Variants in NAV2 observed in about 807,000 individuals in gnomAD.
The protein encoded by NAV2 is helicase, APC down-regulated 1.
In NAV2, 54 loss-of-function variants were observed where a neutral mutation model predicts 223.2. The ratio of observed to expected loss-of-function variants is 0.24; its 90% CI spans 0.19 to 0.30. The LOEUF is 0.30. Ranked by LOEUF, NAV2 falls within the 10% of genes least tolerant of loss-of-function variation. The pLI is 1.00. For missense variants in NAV2, 2,806 were observed against 3,147.5 expected (o/e 0.89, Z 2.60); for synonymous variants, 1,279 against 1,239.3 (o/e 1.03, Z -0.67).
chr11:19,835,270 G>T (rs1013298583), intron 2 of NAV2, among the ~76,000 whole-genome samples: 29 of 152,132 alleles, frequency 1.9e-4, no homozygotes, highest in African/African-American at 6.5e-4. Context: ...CCACTAAATT[G>T]CTTCCCTAAA....
chr11:20,020,225 T>C (rs949994526), intron 11 of NAV2, among the ~76,000 whole-genome samples: 11 of 152,260 alleles, frequency 7.2e-5, no homozygotes, highest in Admixed American at 3.9e-4. Context: ...AGTTTTCTTC[T>C]ACTCTTTGAT....
At chr11:19,589,145 A>C (rs1051609377) in intron 1 of NAV2, among the ~76,000 whole-genome samples, 5 of 152,242 alleles carry the variant, frequency 3.3e-5, no homozygotes, top group African/African-American at 1.2e-4. Flanking sequence ...GAGACAGAGA[A>C]GTCCTGTATT....
intron 3 of NAV2, 88 bp downstream of exon 3, chr11:19,843,011 C>A: frequency 9.1e-7 from 1 of 1,093,342 alleles, no homozygotes; most frequent in Non-Finnish European, 1.4e-6. Context: ...ACATTCATAC[C>A]AGATGCTTTA....
rs1224000939 is a variant in NAV2 at position 19,535,474 on chromosome 11, C to T, written c.75+184447C>T. Among the ~76,000 whole-genome samples the T allele has an allele frequency of 3.3e-5, 5 of 152,258 alleles. No homozygotes were observed. The East Asian group carries it at 9.6e-4, about 29-fold the overall frequency. ...GATGCAGCCAGCTTTGCATTTCAGG[C>T]CATCCTCATGGTGAGAAGGGGTGGC... On this transcript the variant is annotated intron_variant, in intron 1 of 37. Transcript: ENST00000360655.
At chr11:19,515,462 T>C (rs1205500101) in intron 1 of NAV2, among the ~76,000 whole-genome samples, 2 of 152,226 alleles carry the variant, frequency 1.3e-5, no homozygotes, top group African/African-American at 4.8e-5. Flanking sequence ...TTCCAAATCA[T>C]GAACACAATT....
At chr11:20,116,331 C>G (rs1445287512) in intron 37 of NAV2, among the ~76,000 whole-genome samples, 1 of 152,110 alleles carries the variant, frequency 6.6e-6, no homozygotes, top group Non-Finnish European at 1.5e-5. Flanking sequence ...TGGGATGTAG[C>G]TGTGGTTCTG....
At chr11:20,102,153 G>C (rs1241021556) in intron 32 of NAV2, among the ~76,000 whole-genome samples, 1 of 152,172 alleles carries the variant, frequency 6.6e-6, no homozygotes, top group Admixed American at 6.5e-5. Flanking sequence ...CCTGGGACCA[G>C]TAAGTGAAGG....
chr11:20,068,173 G>A lies in NAV2; in HGVS notation c.4885-13G>A. 6.2e-7 allele frequency: 1 copy of A among 1,613,656 alleles called. No homozygotes were observed. The highest frequency in any genetic ancestry group is 2.2e-5 in the East Asian group (1 of 44,868). ...CCTTAACTGGTCTAATTTCCTTTAT[G>A]TTTTCTTTACAGCCAGAAGAAAAAT... On this transcript the variant is annotated splice_polypyrimidine_tract_variant and intron_variant, in intron 20 of 37. Transcript: ENST00000349880.
chr11:19,369,172 CT>C (rs1327221687), intron 1 of NAV2, among the ~76,000 whole-genome samples: 3 of 152,140 alleles, frequency 2.0e-5, no homozygotes, highest in Non-Finnish European at 4.4e-5. Context: ...AATTATGGTT[CT>C]TTAAAAAGAG....
chr11:19,483,852 G>C (rs1452252076), intron 1 of NAV2, among the ~76,000 whole-genome samples: 1 of 152,122 alleles, frequency 6.6e-6, no homozygotes, highest in Non-Finnish European at 1.5e-5. Context: ...TCTTTCAGAA[G>C]ACAAGACTGG....
At chr11:19,667,305 A>G (rs745962733) in intron 1 of NAV2, among the ~76,000 whole-genome samples, 1 of 152,216 alleles carries the variant, frequency 6.6e-6, no homozygotes, top group Non-Finnish European at 1.5e-5. Context: ...AAAACTCAGT[A>G]AGGCATGGTC....
intron 1 of NAV2, among the ~76,000 whole-genome samples, chr11:19,797,483 C>A (rs544970708): frequency 1.3e-5 from 2 of 152,186 alleles, no homozygotes; most frequent in Non-Finnish European, 2.9e-5. Context: ...TTCCAAGGGT[C>A]AACTTGTAAA....
chr11:20,100,349 G>T (rs190083019), intron 31 of NAV2, among the ~76,000 whole-genome samples: 1 of 152,134 alleles, frequency 6.6e-6, no homozygotes, highest in African/African-American at 2.4e-5. Context: ...TTCACATTCC[G>T]GAATCAAATG....
At chr11:19,609,623 A>C (rs2046578227) in intron 1 of NAV2, among the ~76,000 whole-genome samples, 1 of 152,224 alleles carries the variant, frequency 6.6e-6, no homozygotes, top group Admixed American at 6.5e-5. Context: ...AGTGCCTTGA[A>C]GACAGGAATC....
intron 1 of NAV2, among the ~76,000 whole-genome samples, chr11:19,516,940 T>A (rs2043472183): frequency 6.6e-6 from 1 of 152,088 alleles, no homozygotes; most frequent in Non-Finnish European, 1.5e-5. Context: ...CTGGGCATGG[T>A]GGCTCACACC....
chr11:20,078,155 G>T, intron 24 of NAV2, 51 bp downstream of exon 24: 2 of 1,303,364 alleles, frequency 1.5e-6, no homozygotes, highest in Non-Finnish European at 2.2e-6. Flanking sequence ...GCCCTTAGGA[G>T]CCCTCCCCTG....
At chr11:20,024,315 G>T (rs923002566) in intron 11 of NAV2, among the ~76,000 whole-genome samples, 1 of 152,170 alleles carries the variant, frequency 6.6e-6, no homozygotes, top group Non-Finnish European at 1.5e-5. Flanking sequence ...CTCCGGGGCT[G>T]CTGGATTGAT....
At position 19,371,764 on chromosome 11, in the gene NAV2, C is replaced by T. The variant is rs1416410630; in HGVS notation, c.75+20737C>T. On this transcript the variant is annotated intron_variant, in intron 1 of 37. Transcript: ENST00000360655. Reference sequence around the variant, plus strand: ...CAACTATGCCTACCTTTTTCTGTATCAGGTTTTTTTTTTTTTTTTTTTTTT... The same window carrying T: ...CAACTATGCCTACCTTTTTCTGTATTAGGTTTTTTTTTTTTTTTTTTTTTT... 3.1e-5 allele frequency among the ~76,000 whole-genome samples: 4 copies of T among 129,206 alleles called. No individual in the cohort carries two copies. In the Admixed American group the frequency reaches 3.9e-4, roughly 13 times the overall value. 84.8% of individuals were successfully genotyped at this position (129,206 alleles called of 152,430 possible). A position where few individuals can be genotyped will look rare whatever the true frequency, so the allele number is the denominator to read the frequency against.
At chr11:20,117,058 G>A (rs1016256091) in intron 37 of NAV2, among the ~76,000 whole-genome samples, 1 of 152,116 alleles carries the variant, frequency 6.6e-6, no homozygotes, top group Non-Finnish European at 1.5e-5. Flanking sequence ...GGCGCATCTG[G>A]GTAGACTCTG....
Sources: gnomAD v4.1 joint callset for allele counts (sites outside exome capture counted in the v4.1 genomes callset) on GRCh38, gnomAD v4.1.1 for gene constraint, MANE v1.5 for transcripts, NCBI Gene and HGNC (gene_info 2026-07-23, HGNC 2026-07-21) for gene names.